The following SPIN1 variants were observed in gnomAD, a reference collection of about 807,000 sequenced individuals.
SPIN1 encodes the protein spindlin-1.
SPIN1 carries 3 observed loss-of-function variants against 26.0 expected under a neutral mutation model. The observed-to-expected ratio is 0.12, with a 90% CI of 0.05 to 0.30. The LOEUF is 0.30. Ranked by LOEUF, SPIN1 falls within the 10% of genes least tolerant of loss-of-function variation. SPIN1 has a pLI of 1.00. For missense variants in SPIN1, 126 were observed against 333.4 expected (o/e 0.38, Z 4.84); for synonymous variants, 101 against 116.5 (o/e 0.87, Z 0.86).
intron 3 of SPIN1, among the ~76,000 whole-genome samples, chr9:88,455,851 C>G (rs185851206): frequency 2.8e-4 from 43 of 151,870 alleles, no homozygotes; most frequent in African/African-American, 1.0e-3. Context: ...GTGGCAGGCA[C>G]CCTTACGTAG....
Position 88,453,113 on chromosome 9 carries a change from T to C in SPIN1, c.101+4124T>C, listed in dbSNP as rs1564038786. Among the ~76,000 whole-genome samples the C allele has an allele frequency of 2.6e-5, 4 of 152,212 alleles. No homozygotes were observed. In the South Asian group the frequency reaches 6.2e-4, roughly 24 times the overall value. On this transcript the variant is annotated intron_variant, in intron 3 of 5. Coordinates refer to ENST00000375859, the MANE Select transcript of SPIN1 (RefSeq NM_006717.3). ...AAAAAGATGAAAGGTCGTTTTCCTTTCCTTTCCCTTTCCCTTTGCTTTCCT... is the reference window on the plus strand; with the variant it reads ...AAAAAGATGAAAGGTCGTTTTCCTTCCCTTTCCCTTTCCCTTTGCTTTCCT...
At chr9:88,422,445 A>C (rs1431441972) in intron 1 of SPIN1, among the ~76,000 whole-genome samples, 1 of 152,222 alleles carries the variant, frequency 6.6e-6, no homozygotes, top group Non-Finnish European at 1.5e-5. Flanking sequence ...CAGTCAAAGA[A>C]GAGTGGGATT....
intron 1 of SPIN1, among the ~76,000 whole-genome samples, chr9:88,405,377 C>G (rs921860005): frequency 4.2e-5 from 6 of 143,558 alleles, no homozygotes; most frequent in Non-Finnish European, 9.2e-5. Flanking sequence ...TACTGGCATG[C>G]GCCACCATGC....
chr9:88,451,654 G>A (rs1006044581), intron 3 of SPIN1, among the ~76,000 whole-genome samples: 1 of 152,162 alleles, frequency 6.6e-6, no homozygotes, highest in African/African-American at 2.4e-5. Flanking sequence ...TCCACCTCCT[G>A]GGTTCAACTG....
chr9:88,411,163 G>A lies in SPIN1; in HGVS notation c.-158-15219G>A, dbSNP rs148219674. The A allele has an allele frequency of 1.2e-3, 1,749 of 1,458,802 alleles. 14 individuals carry two copies. The African/African-American group carries it at 0.02, about 17-fold the overall frequency. The allele number at this position is 1,458,802 out of a possible 1,614,324, so 90.4% of individuals were successfully genotyped here. The stretch of plus-strand genomic sequence containing the variant: ...CAAATATCTTTTTCACAGTTAAGTG[G>A]GCACCTGGTCTTTAAGAATCTTCTG... On this transcript the variant is annotated intron_variant, in intron 1 of 5. Transcript: ENST00000375859.
intron 3 of SPIN1, among the ~76,000 whole-genome samples, chr9:88,454,939 C>T (rs759527127): frequency 7.9e-5 from 12 of 152,074 alleles, no homozygotes; most frequent in Middle Eastern, 3.2e-3. Flanking sequence ...GGAAAATTAC[C>T]GTTGTTTCCT....
intron 1 of SPIN1, chr9:88,410,584 C>T (rs1827422190): frequency 2.3e-6 from 2 of 856,494 alleles, no homozygotes; most frequent in Non-Finnish European, 4.0e-6. Context: ...ACCATAGTAG[C>T]CACCGTGGTT....
At chr9:88,450,970 T>G (rs572467069) in intron 3 of SPIN1, among the ~76,000 whole-genome samples, 3 of 152,332 alleles carry the variant, frequency 2.0e-5, no homozygotes, top group African/African-American at 7.2e-5. Flanking sequence ...GGAGCTTGGC[T>G]GTTAGGCCTG....
At chr9:88,434,213 C>A (rs1382640376) in intron 2 of SPIN1, among the ~76,000 whole-genome samples, 1 of 151,920 alleles carries the variant, frequency 6.6e-6, no homozygotes, top group Non-Finnish European at 1.5e-5. Context: ...CCTGAGTAAG[C>A]CTCTGTGAGA....
At chr9:88,451,551 G>GTT in intron 3 of SPIN1, among the ~76,000 whole-genome samples, 1 of 152,132 alleles carries the variant, frequency 6.6e-6, no homozygotes, top group South Asian at 2.1e-4. Context: ...AAGTACGTCT[G>GTT]TTTTTTTGTT....
intron 1 of SPIN1, among the ~76,000 whole-genome samples, chr9:88,398,508 G>A (rs1827116494): frequency 6.6e-6 from 1 of 151,992 alleles, no homozygotes; most frequent in Non-Finnish European, 1.5e-5. Context: ...GAGGGTGTCT[G>A]GTTGGTTAAA....
At chr9:88,470,544 C>T (rs1277378915) in intron 5 of SPIN1, among the ~76,000 whole-genome samples, 2 of 152,028 alleles carry the variant, frequency 1.3e-5, no homozygotes, top group Non-Finnish European at 2.9e-5. Context: ...CTTTGATTTG[C>T]ATTTCCCTGA....
chr9:88,464,946 C>T (rs1828634431), intron 4 of SPIN1, among the ~76,000 whole-genome samples: 1 of 152,188 alleles, frequency 6.6e-6, no homozygotes, highest in South Asian at 2.1e-4. Context: ...AACCACCATT[C>T]TACACTCTGT....
At chr9:88,406,711 A>C (rs1051229041) in intron 1 of SPIN1, among the ~76,000 whole-genome samples, 12 of 152,282 alleles carry the variant, frequency 7.9e-5, no homozygotes, top group African/African-American at 2.4e-4. Flanking sequence ...CTTTCTGCCT[A>C]TCAAACCTGT....
intron 1 of SPIN1, among the ~76,000 whole-genome samples, chr9:88,388,825 C>T (rs2119016082): frequency 6.6e-6 from 1 of 150,796 alleles, no homozygotes; most frequent in East Asian, 2.0e-4. Context: ...GGCCGCCACC[C>T]TCTCGTCCCC....
intron 3 of SPIN1, among the ~76,000 whole-genome samples, chr9:88,456,746 G>T (rs1828480424): frequency 6.6e-6 from 1 of 152,044 alleles, no homozygotes; most frequent in South Asian, 2.1e-4. Context: ...GAATCATGAG[G>T]CATCTTAGAG....
intron 2 of SPIN1, among the ~76,000 whole-genome samples, chr9:88,430,891 T>TC (rs1827855130): frequency 6.6e-6 from 1 of 150,964 alleles, no homozygotes; most frequent in African/African-American, 2.4e-5. Context: ...TTCTTTTTTT[T>TC]TTTTTTTTGA....
intron 5 of SPIN1, among the ~76,000 whole-genome samples, chr9:88,474,110 T>G (rs1009533482): frequency 6.6e-6 from 1 of 152,152 alleles, no homozygotes; most frequent in Non-Finnish European, 1.5e-5. Flanking sequence ...CCTGTGAGAG[T>G]AAAATGACAT....
rs868665931 is a variant in SPIN1, at chr9:88,478,659, T to C, written c.*3382T>C. ...ATAATTATGATGTAACTCTATCTTA[T>C]CCTTAAAACATTTAAAATAAACCCT... is the stretch of plus-strand genomic sequence containing the variant. On this transcript the variant is annotated 3_prime_UTR_variant, in exon 6 of 6. Coordinates refer to ENST00000375859, the MANE Select transcript of SPIN1 (RefSeq NM_006717.3). The C allele has an allele frequency of 6.6e-6, 1 of 152,216 alleles. No individual in the cohort carries two copies. Among genetic ancestry groups the C allele is most frequent in the Middle Eastern group, 3.2e-3 (1 of 316 alleles). The allele number at this position is 152,216 out of a possible 1,614,324, so 9.4% of individuals were successfully genotyped here.
Sources: allele counts gnomAD v4.1 joint callset (sites outside exome capture counted in the v4.1 genomes callset), GRCh38; gene constraint gnomAD v4.1.1; transcripts MANE v1.5; gene names NCBI Gene and HGNC (gene_info 2026-07-23, HGNC 2026-07-21).